Variants in MYO18B observed in about 807,000 individuals in gnomAD.
MYO18B encodes the protein myosin XVIIIB.
In MYO18B, 204 loss-of-function variants were observed where a neutral mutation model predicts 273.0. That is an observed-to-expected ratio of 0.75 (90% CI 0.67 to 0.84). The LOEUF is 0.84. Among genes scored for constraint, MYO18B ranks in the 40% least tolerant of loss-of-function variants. The probability of loss-of-function intolerance (pLI) is 0.00; values close to 1 mark genes in which losing one functional copy is unlikely to be tolerated. For synonymous variants in MYO18B, 1,330 were observed against 1,305.7 expected, an observed-to-expected ratio of 1.02 and a Z score of -0.40; for missense variants, 3,212 against 3,287.6, an observed-to-expected ratio of 0.98 and a Z score of 0.56.
At position 25,768,120 on chromosome 22, in the gene MYO18B, A is replaced by T; in HGVS notation, c.204A>T (p.Pro68=). 1 of 1,593,360 alleles carries T rather than the reference A, an allele frequency of 6.3e-7. No homozygotes were observed. Reference sequence around the variant, plus strand: ...GGTTGTGTTCTTTCTCCCAGATCCCAGAAATTTCCATCAGCCAACCCAACA... The same window carrying T: ...GGTTGTGTTCTTTCTCCCAGATCCCTGAAATTTCCATCAGCCAACCCAACA... ...LAVASPEREI[P]EISISQPNSK... The change falls in exon 4 of 44, where the codon CCA becomes CCT. Residue 68 remains proline (P), a synonymous_variant. Transcript: ENST00000335473.
At position 25,890,789 on chromosome 22, in the gene MYO18B, C is replaced by T. The variant is rs527443272; in HGVS notation, c.4348C>T (p.Arg1450Cys). ...CTTGACCTCTGACCTTGCCGATGAG[C>T]GCTTCAAAGGTGATGTGGCCTGCCA... ...ADLTSDLADE[R>C]FKGDVACQVL... Residue 1450 changes from arginine to cysteine, a missense_variant, in exon 26 of 44, where the codon CGC becomes TGC. By Grantham distance (180) the Arg-to-Cys change is radical (BLOSUM62 -3). Coordinates refer to ENST00000335473, the MANE Select transcript of MYO18B (RefSeq NM_032608.7). 2.8e-5 allele frequency: 45 copies of T among 1,613,920 alleles called. No individual in the cohort carries two copies. Among genetic ancestry groups the T allele is most frequent in the East Asian group, 1.1e-4 (5 of 44,878 alleles).
At chr22:25,945,561 G>A (rs971024514) in intron 34 of MYO18B, among the ~76,000 whole-genome samples, 3 of 152,050 alleles carry the variant, frequency 2.0e-5, no homozygotes, top group African/African-American at 7.2e-5. Context: ...TCTCCCAGGT[G>A]TGAGTTGATG....
At chr22:25,842,490 T>C (rs1044006905) in intron 17 of MYO18B, among the ~76,000 whole-genome samples, 2 of 151,798 alleles carry the variant, frequency 1.3e-5, no homozygotes, top group Non-Finnish European at 2.9e-5. Flanking sequence ...CTGGCCAACA[T>C]GGTGAAACCC....
the MYO18B span, among the ~76,000 whole-genome samples, chr22:26,052,635 AAG>A: frequency 6.6e-6 from 1 of 152,318 alleles, no homozygotes; most frequent in East Asian, 1.9e-4. Flanking sequence ...ACAAGAAAGA[AAG>A]AAGAGGAAAA....
At chr22:25,813,087 C>A (rs555080255) in intron 12 of MYO18B, among the ~76,000 whole-genome samples, 1 of 150,892 alleles carries the variant, frequency 6.6e-6, no homozygotes, top group African/African-American at 2.4e-5. Context: ...CCCCTCCCCT[C>A]TTCCCTCTTC....
chr22:25,919,175 T>C (rs1601573572), intron 33 of MYO18B, among the ~76,000 whole-genome samples: 1 of 152,182 alleles, frequency 6.6e-6, no homozygotes, highest in East Asian at 1.9e-4. Flanking sequence ...CTCCCCTAGC[T>C]AGGAGTAGCT....
At chr22:25,791,661 C>T (rs992601180) in intron 11 of MYO18B, among the ~76,000 whole-genome samples, 1 of 151,974 alleles carries the variant, frequency 6.6e-6, no homozygotes, top group African/African-American at 2.4e-5. Flanking sequence ...TAATCCTTGC[C>T]ACCCAGCAGT....
chr22:25,789,732 A>G (rs1270188468), intron 11 of MYO18B, among the ~76,000 whole-genome samples: 3 of 152,222 alleles, frequency 2.0e-5, no homozygotes, highest in Non-Finnish European at 4.4e-5. Context: ...CACACACTCG[A>G]GCAAACCAGA....
At chr22:25,756,777 T>C (rs1226094980) in intron 1 of MYO18B, 1 of 152,274 alleles carries the variant, frequency 6.6e-6, no homozygotes, top group Non-Finnish European at 1.5e-5. Flanking sequence ...CTATATATTG[T>C]TGGCTGGATG....
intron 42 of MYO18B, among the ~76,000 whole-genome samples, chr22:26,023,325 A>G (rs1601855959): frequency 6.6e-6 from 1 of 152,116 alleles, no homozygotes; most frequent in Non-Finnish European, 1.5e-5. Context: ...TTTGCTGAGC[A>G]TCTACTACAT....
At chr22:25,861,705 G>T (rs868655275) in intron 21 of MYO18B, among the ~76,000 whole-genome samples, 5 of 152,064 alleles carry the variant, frequency 3.3e-5, no homozygotes, top group Non-Finnish European at 7.4e-5. Context: ...CCTTCTTTTA[G>T]TCCTATCCTC....
rs551051373 is a variant in MYO18B at position 25,916,414 on chromosome 22, T to C, written c.5365-4843T>C. Among the ~76,000 whole-genome samples the C allele has an allele frequency of 1.1e-3, 161 of 152,316 alleles. 2 individuals are homozygous for C. The South Asian group carries it at 0.032, about 30-fold the overall frequency. On this transcript the variant is annotated intron_variant, in intron 33 of 43. Coordinates refer to ENST00000335473, the MANE Select transcript of MYO18B (RefSeq NM_032608.7). The stretch of plus-strand genomic sequence containing the variant: ...CAGTTTTAGTATTAAAATGTTTAAC[T>C]CACCTTCAATATTTTTTATCCCACT...
At chr22:25,787,985 C>T (rs1283606993) in intron 11 of MYO18B, among the ~76,000 whole-genome samples, 1 of 152,174 alleles carries the variant, frequency 6.6e-6, no homozygotes, top group Non-Finnish European at 1.5e-5. Context: ...AGCTGGGGTC[C>T]TCTGAGCTTT....
chr22:25,760,884 T>C (rs2086289799), intron 1 of MYO18B, 100 bp from the exon 2 acceptor site: 1 of 607,630 alleles, frequency 1.6e-6, no homozygotes, highest in Non-Finnish European at 3.0e-6. Flanking sequence ...CATTCCCCCA[T>C]GTGGTCTTGG....
At chr22:25,916,742 T>C (rs760367017) in intron 33 of MYO18B, among the ~76,000 whole-genome samples, 3 of 152,142 alleles carry the variant, frequency 2.0e-5, no homozygotes, top group Non-Finnish European at 4.4e-5. Flanking sequence ...TAATAAAGGA[T>C]TGTGTGTGGC....
intron 14 of MYO18B, 58 bp from the exon 15 acceptor site, chr22:25,828,718 A>G (rs2089587643): frequency 6.6e-7 from 1 of 1,519,838 alleles, no homozygotes; most frequent in Non-Finnish European, 9.0e-7. Context: ...GGCTTGGATC[A>G]GTGTGCTCCT....
the MYO18B span, among the ~76,000 whole-genome samples, chr22:26,049,841 A>T: frequency 5.3e-5 from 8 of 152,348 alleles, no homozygotes; most frequent in East Asian, 1.5e-3. Flanking sequence ...TGCCCTGAGA[A>T]TTCAGTGGAA....
At chr22:25,810,120 C>T (rs2088673834) in intron 12 of MYO18B, among the ~76,000 whole-genome samples, 1 of 132,900 alleles carries the variant, frequency 7.5e-6, no homozygotes, top group African/African-American at 2.8e-5. Flanking sequence ...TTTTTTGAGA[C>T]AGAGTCTTGC....
intron 12 of MYO18B, among the ~76,000 whole-genome samples, chr22:25,816,521 G>A (rs2089018450): frequency 1.9e-5 from 2 of 103,542 alleles, no homozygotes; most frequent in South Asian, 3.4e-4. Context: ...AGGCCCCAAT[G>A]TGTTGTGTTC....
Sources: allele counts gnomAD v4.1 joint callset (sites outside exome capture counted in the v4.1 genomes callset), GRCh38; gene constraint gnomAD v4.1.1; transcripts MANE v1.5; gene names NCBI Gene and HGNC (gene_info 2026-07-23, HGNC 2026-07-21).